Variants in PAICS observed in about 807,000 individuals in gnomAD.
PAICS encodes the protein phosphoribosylaminoimidazole carboxylase and phosphoribosylaminoimidazolesuccinocarboxamide synthase, also known as bifunctional phosphoribosylaminoimidazole carboxylase/phosphoribosylaminoimidazole succinocarboxamide synthetase.
A neutral mutation model predicts 53.7 loss-of-function variants in PAICS; 33 were observed. The observed-to-expected ratio is 0.61, with a 90% CI of 0.47 to 0.82. The LOEUF (loss-of-function observed/expected upper bound fraction) is 0.82. PAICS is among the 40% of genes least tolerant of loss of function. PAICS has a pLI of 0.00. For synonymous variants in PAICS, 141 were observed against 167.2 expected, an observed-to-expected ratio of 0.84 and a Z score of 1.21; for missense variants, 394 against 494.1, an observed-to-expected ratio of 0.80 and a Z score of 1.92.
chr4:56,417,078 A>G, the PAICS span, among the ~76,000 whole-genome samples: 1 of 152,062 alleles, frequency 6.6e-6, no homozygotes, highest in Non-Finnish European at 1.5e-5. Flanking sequence ...AGAACTCTCG[A>G]CCTCTGGTGA....
chr4:56,441,952 G>A, intron 2 of PAICS, 92 bp downstream of exon 2: 1 of 784,734 alleles, frequency 1.3e-6, no homozygotes, highest in South Asian at 2.2e-5. Context: ...TGAACAACTT[G>A]TTTGCAGATG....
At position 56,459,560 on chromosome 4, in the gene PAICS, T is replaced by A; in HGVS notation, c.*22T>A. The A allele has an allele frequency of 6.6e-7, 1 of 1,511,580 alleles. No individual in the cohort carries two copies. Among genetic ancestry groups the A allele is most frequent in the African/African-American group, 1.4e-5 (1 of 72,282 alleles). The allele number at this position is 1,511,580 out of a possible 1,614,324, so 93.6% of individuals were successfully genotyped here. On this transcript the variant is annotated 3_prime_UTR_variant, in exon 9 of 9. Transcript: ENST00000512576. ...ATAAGAAAGAATGCCATTGAATTTT[T>A]TAGGGGAAAAACTACAAATTTCTAA... is the stretch of plus-strand genomic sequence containing the variant.
chr4:56,441,704 G>A lies in PAICS; in HGVS notation c.58G>A (p.Glu20Lys). The A allele has an allele frequency of 1.3e-6, 2 of 1,597,494 alleles. No homozygotes were observed. The highest frequency in any genetic ancestry group is 8.5e-7 in the Non-Finnish European group (1 of 1,172,236). ...GKKLYEGKTKEVYELLDSPGK... is the reference protein window; with the variant it reads ...GKKLYEGKTKKVYELLDSPGK... ...AAAATTATATGAGGGTAAAACAAAA[G>A]AAGTCTACGAATTGTTAGACAGTCC... The change falls in exon 2 of 9, where the codon GAA becomes AAA. Residue 20 changes from glutamate to lysine, a missense_variant. Around this residue, in one of 3 missense-constraint regions of PAICS, gnomAD observed 168 missense variants for 199.3 expected, o/e 0.84. Coordinates refer to ENST00000512576, the MANE Select transcript of PAICS (RefSeq NM_001079524.2).
rs983124185 is a variant in PAICS, at chr4:56,461,520, ATTT to A, written c.*1988_*1990del. ...TGACCATTACAAATTGTCGTTATCA[ATTT>A]TTTTTCCTTTTTTTTTTTAAGAGCC... On this transcript the variant is annotated 3_prime_UTR_variant, in exon 9 of 9. Transcript: ENST00000512576. The A allele has an allele frequency of 6.6e-6, 1 of 151,024 alleles. No homozygotes were observed. The highest frequency in any genetic ancestry group is 2.1e-4 in the South Asian group (1 of 4,778). 9.4% of individuals were successfully genotyped at this position (151,024 alleles called of 1,614,324 possible).
chr4:56,446,457 A>G (rs1718625357), intron 2 of PAICS: 1 of 703,822 alleles, frequency 1.4e-6, no homozygotes, highest in African/African-American at 1.8e-5. Context: ...TATAGCATGG[A>G]TGTATCAGGA....
chr4:56,435,303 C>G (rs1474707245), upstream of PAICS: 1 of 1,608,996 alleles, frequency 6.2e-7, no homozygotes. Context: ...GAAGCGGCTC[C>G]GAGAGATGGA....
intron 1 of PAICS, among the ~76,000 whole-genome samples, chr4:56,437,082 CGT>C (rs1299895469): frequency 6.8e-6 from 1 of 146,330 alleles, no homozygotes; most frequent in Non-Finnish European, 1.5e-5. Context: ...TGCACGCGCG[CGT>C]GAAGTAGTCT....
intron 2 of PAICS, among the ~76,000 whole-genome samples, chr4:56,444,805 A>G (rs7689163): frequency 0.3 from 46,034 of 151,350 alleles, 7,469 homozygotes; most frequent in East Asian, 0.46. Flanking sequence ...TGGCGGGGGG[A>G]TCTCTCTAAG....
intron 1 of PAICS, among the ~76,000 whole-genome samples, chr4:56,441,218 GT>G (rs779229565): frequency 1.3e-5 from 2 of 152,164 alleles, no homozygotes; most frequent in Non-Finnish European, 2.9e-5. Flanking sequence ...CTGCAAGATA[GT>G]TTAGATACTA....
the PAICS span, among the ~76,000 whole-genome samples, chr4:56,424,045 A>G: frequency 6.6e-6 from 1 of 152,224 alleles, no homozygotes; most frequent in African/African-American, 2.4e-5. Flanking sequence ...ACATGTAAAA[A>G]CAGAGGTCAC....
intron 8 of PAICS, 48 bp from the exon 9 acceptor site, chr4:56,459,324 A>G (rs1227486383): frequency 4.3e-6 from 6 of 1,397,952 alleles, no homozygotes; most frequent in South Asian, 1.6e-5. Flanking sequence ...TTGTATTTTC[A>G]TTACTAATTG....
chr4:56,434,062 G>C (rs192883084), upstream of PAICS, among the ~76,000 whole-genome samples: 14 of 151,976 alleles, frequency 9.2e-5, no homozygotes, highest in African/African-American at 3.4e-4. Context: ...TTTCTCCTTG[G>C]ATTACGTAAC....
At chr4:56,447,350 CAAT>C (rs1718674639) in intron 3 of PAICS, among the ~76,000 whole-genome samples, 1 of 151,980 alleles carries the variant, frequency 6.6e-6, no homozygotes, top group Admixed American at 6.6e-5. Flanking sequence ...GCTTTTTAAT[CAAT>C]GAGTTATGTA....
intron 8 of PAICS, among the ~76,000 whole-genome samples, chr4:56,456,507 C>G (rs902001840): frequency 6.6e-6 from 1 of 152,146 alleles, no homozygotes; most frequent in African/African-American, 2.4e-5. Context: ...TCCCCGGGCT[C>G]ATGTGATCCG....
At chr4:56,416,439 G>A in the PAICS span, 1 of 627,692 alleles carries the variant, frequency 1.6e-6, no homozygotes, top group Non-Finnish European at 2.0e-6. Context: ...ATGGAACTAG[G>A]TATAGTATAA....
chr4:56,443,154 G>A (rs1430588768), intron 2 of PAICS, among the ~76,000 whole-genome samples: 1 of 152,060 alleles, frequency 6.6e-6, no homozygotes, highest in Non-Finnish European at 1.5e-5. Flanking sequence ...TTGCAATACC[G>A]ATAAGTGTTC....
chr4:56,440,535 A>G (rs1718284814), intron 1 of PAICS, among the ~76,000 whole-genome samples: 2 of 152,072 alleles, frequency 1.3e-5, no homozygotes, highest in African/African-American at 2.4e-5. Context: ...CCAGAGCTCC[A>G]GCTCCAACCA....
Position 56,462,208 on chromosome 4 carries a change from C to T in PAICS, c.*2670C>T, listed in dbSNP as rs978184882. On this transcript the variant is annotated 3_prime_UTR_variant, in exon 9 of 9. Transcript: ENST00000512576. ...AGAGCAATGATGTAAAAGCAAGACA[C>T]ACAGATAGGGAAATAGCTTTCCATA... 1 of 152,182 alleles carries T rather than the reference C, an allele frequency of 6.6e-6. No homozygotes were observed. The highest frequency in any genetic ancestry group is 2.1e-4 in the South Asian group (1 of 4,830). The allele number at this position is 152,182 out of a possible 1,614,324, so 9.4% of individuals were successfully genotyped here.
chr4:56,432,265 C>T (rs768970920), upstream of PAICS, among the ~76,000 whole-genome samples: 2 of 152,100 alleles, frequency 1.3e-5, no homozygotes, highest in Non-Finnish European at 2.9e-5. Flanking sequence ...TGGTGGCTCA[C>T]GCCTGTAATC....
Sources: allele counts gnomAD v4.1 joint callset (sites outside exome capture counted in the v4.1 genomes callset), GRCh38; gene constraint gnomAD v4.1.1; regional missense constraint gnomAD v4.1.1; transcripts MANE v1.5; gene names NCBI Gene and HGNC (gene_info 2026-07-23, HGNC 2026-07-21).